The following NEO1 variants were observed in gnomAD, a reference collection of about 807,000 sequenced individuals.
The protein encoded by NEO1 is neogenin.
NEO1 carries 63 observed loss-of-function variants against 159.7 expected under a neutral mutation model. The observed-to-expected ratio is 0.39, with a 90% CI of 0.32 to 0.49. NEO1 has a LOEUF of 0.49. Among genes scored for constraint, NEO1 ranks in the 20% least tolerant of loss-of-function variants. The probability of loss-of-function intolerance (pLI) is 0.85; values close to 1 mark genes in which losing one functional copy is unlikely to be tolerated. For missense variants in NEO1, 1,615 were observed against 1,831.0 expected, an observed-to-expected ratio of 0.88 and a Z score of 2.15; for synonymous variants, 633 against 662.0, an observed-to-expected ratio of 0.96 and a Z score of 0.67.
chr15:73,154,131 C>T (rs971962396), intron 5 of NEO1, among the ~76,000 whole-genome samples: 1 of 151,800 alleles, frequency 6.6e-6, no homozygotes, highest in African/African-American at 2.4e-5. Context: ...AATTGATTTC[C>T]CTAAGATTAC....
At position 73,169,442 on chromosome 15, in the gene NEO1, C is replaced by T. The variant is rs145737754; in HGVS notation, c.1016-6961C>T. 1.9e-3 allele frequency among the ~76,000 whole-genome samples: 285 copies of T among 152,214 alleles called. 3 individuals are homozygous for T. Among genetic ancestry groups the T allele is most frequent in the African/African-American group, 6.5e-3 (270 of 41,550 alleles). The stretch of plus-strand genomic sequence containing the variant: ...AATTTAACTTCCCAACCACAAACAT[C>T]TGCTCTTACAATTGTGTTTAATTGG... On this transcript the variant is annotated intron_variant, in intron 5 of 28. Transcript: ENST00000261908.
chr15:73,111,267 T>G (rs2070972104), intron 1 of NEO1, among the ~76,000 whole-genome samples: 1 of 152,332 alleles, frequency 6.6e-6, no homozygotes, highest in South Asian at 2.1e-4. Flanking sequence ...CTCGACATAT[T>G]TTGAACGTAC....
chr15:73,193,175 A>G (rs2036333092), intron 7 of NEO1, among the ~76,000 whole-genome samples: 1 of 152,076 alleles, frequency 6.6e-6, no homozygotes, highest in Non-Finnish European at 1.5e-5. Flanking sequence ...TTAAAAACTA[A>G]TTTGTTTTGT....
chr15:73,195,691 A>G (rs2036497402), intron 7 of NEO1, among the ~76,000 whole-genome samples: 1 of 152,122 alleles, frequency 6.6e-6, no homozygotes, highest in African/African-American at 2.4e-5. Flanking sequence ...GTATCTGAAC[A>G]TTGTAGACCC....
chr15:73,299,261 T>G (rs1334683373), intron 27 of NEO1, among the ~76,000 whole-genome samples: 1 of 152,230 alleles, frequency 6.6e-6, no homozygotes, highest in East Asian at 1.9e-4. Flanking sequence ...ATGGGTTATA[T>G]CTATCAATAT....
intron 4 of NEO1, among the ~76,000 whole-genome samples, chr15:73,127,336 C>T (rs1217266791): frequency 6.6e-6 from 1 of 152,132 alleles, no homozygotes; most frequent in Non-Finnish European, 1.5e-5. Flanking sequence ...AACCACTTTA[C>T]TGTCCTTCCT....
At chr15:73,270,906 G>A (rs2041136905) in intron 18 of NEO1, among the ~76,000 whole-genome samples, 1 of 152,182 alleles carries the variant, frequency 6.6e-6, no homozygotes. Context: ...GACACGAGAG[G>A]GAAAAGATGA....
At chr15:73,250,163 T>C (rs2040000533) in intron 11 of NEO1, among the ~76,000 whole-genome samples, 1 of 152,116 alleles carries the variant, frequency 6.6e-6, no homozygotes, top group Admixed American at 6.5e-5. Context: ...ACTGAATTTC[T>C]AAATTAAGTT....
chr15:73,166,215 T>C (rs1339458133), intron 5 of NEO1, among the ~76,000 whole-genome samples: 1 of 152,154 alleles, frequency 6.6e-6, no homozygotes, highest in African/African-American at 2.4e-5. Context: ...CAAGTGTTGG[T>C]AAGGATATGG....
rs566785735 is a variant in NEO1 at position 73,072,796 on chromosome 15, T to C, written c.130+19991T>C. 7.9e-5 allele frequency among the ~76,000 whole-genome samples: 12 copies of C among 152,252 alleles called. No individual in the cohort carries two copies. The South Asian group carries it at 2.1e-3, about 26-fold the overall frequency. ...AGGTAGTTTACAGAGGTAAATTGGA[T>C]TAGCATGATGGCAGTGTAGAGAAGT... On this transcript the variant is annotated intron_variant, in intron 1 of 28. Transcript: ENST00000261908.
intron 1 of NEO1, among the ~76,000 whole-genome samples, chr15:73,098,332 G>GT (rs1396112408): frequency 6.6e-6 from 1 of 151,994 alleles, no homozygotes; most frequent in East Asian, 1.9e-4. Flanking sequence ...ATCTAATTTT[G>GT]TTTTTTAATT....
intron 7 of NEO1, among the ~76,000 whole-genome samples, chr15:73,225,561 T>C (rs2038536280): frequency 1.3e-5 from 2 of 152,016 alleles, no homozygotes; most frequent in African/African-American, 2.4e-5. Flanking sequence ...TCATGCAGGT[T>C]GTCAGGGAAG....
At chr15:73,061,600 G>A (rs183463003) in intron 1 of NEO1, among the ~76,000 whole-genome samples, 1 of 152,274 alleles carries the variant, frequency 6.6e-6, no homozygotes, top group East Asian at 1.9e-4. Context: ...TATGTATGTG[G>A]ATTTTTAATT....
chr15:73,212,898 A>G (rs1191692410), intron 7 of NEO1, among the ~76,000 whole-genome samples: 1 of 152,226 alleles, frequency 6.6e-6, no homozygotes, highest in East Asian at 1.9e-4. Context: ...ATCATATAGC[A>G]GTTTGTAAAG....
chr15:73,077,484 G>A (rs1275563501), intron 1 of NEO1, among the ~76,000 whole-genome samples: 1 of 152,264 alleles, frequency 6.6e-6, no homozygotes, highest in African/African-American at 2.4e-5. Flanking sequence ...AAGGAAGCTT[G>A]TGTGAATGAA....
At chr15:73,191,890 A>C (rs2036255327) in intron 7 of NEO1, among the ~76,000 whole-genome samples, 1 of 152,058 alleles carries the variant, frequency 6.6e-6, no homozygotes, top group African/African-American at 2.4e-5. Context: ...GATAACCCTC[A>C]TTAACAAACA....
intron 1 of NEO1, among the ~76,000 whole-genome samples, chr15:73,055,434 C>T (rs745424110): frequency 6.6e-6 from 1 of 152,150 alleles, no homozygotes; most frequent in East Asian, 1.9e-4. Context: ...TCTTTGCTTA[C>T]CTTTTTCAGC....
At chr15:73,257,265 TAAA>T (rs10670933) in intron 13 of NEO1, among the ~76,000 whole-genome samples, 4 of 143,146 alleles carry the variant, frequency 2.8e-5, no homozygotes, top group Non-Finnish European at 3.0e-5. Context: ...TTGTTGCTGT[TAAA>T]AAAAAAAAAA....
chr15:73,260,277 G>A lies in NEO1; in HGVS notation c.2210G>A (p.Arg737His), dbSNP rs766139025. ...ETFESDLDET[R>H]VPEVPSSLHV... ...TTCCACTTTTCCTTCCCAGAAACTC[G>A]TGTTCCTGAAGTGCCTAGCTCTCTT... Residue 737 changes from arginine to histidine, a missense_variant, in exon 15 of 29, where the codon CGT (arginine) becomes CAT (histidine). Arg to His is a conservative substitution (Grantham distance 29, BLOSUM62 0). Coordinates refer to ENST00000261908, the MANE Select transcript of NEO1 (RefSeq NM_002499.4). 24 of 1,607,376 alleles carry A rather than the reference G, an allele frequency of 1.5e-5. No homozygotes were observed. The highest frequency in any genetic ancestry group is 6.7e-5 in the Admixed American group (4 of 59,642).
Sources: allele counts gnomAD v4.1 joint callset (sites outside exome capture counted in the v4.1 genomes callset), GRCh38; gene constraint gnomAD v4.1.1; transcripts MANE v1.5; gene names NCBI Gene and HGNC (gene_info 2026-07-23, HGNC 2026-07-21).